SNX29: variants seen among roughly 807,000 people sequenced by gnomAD.
The protein encoded by SNX29 is sorting nexin 29.
In SNX29, 78 loss-of-function variants were observed where a neutral mutation model predicts 102.1. The ratio of observed to expected loss-of-function variants is 0.76; its 90% CI spans 0.64 to 0.92. SNX29 has a LOEUF of 0.92. Ranked by LOEUF, SNX29 falls within the 40% of genes least tolerant of loss-of-function variation. SNX29 has a pLI of 0.00. For missense variants in SNX29, 1,280 were observed against 1,061.7 expected (o/e 1.21, Z -2.86); for synonymous variants, 580 against 414.5 (o/e 1.40, Z -4.85).
At chr16:12,059,026 C>T (rs1323997896) in intron 8 of SNX29, among the ~76,000 whole-genome samples, 1 of 152,034 alleles carries the variant, frequency 6.6e-6, no homozygotes, top group African/African-American at 2.4e-5. Context: ...GCCTCGGCCT[C>T]CCAAAGTACC....
chr16:12,546,151 A>G (rs2077593107), intron 20 of SNX29: 1 of 152,172 alleles, frequency 6.6e-6, no homozygotes, highest in Non-Finnish European at 1.5e-5. Flanking sequence ...AATAACCTCC[A>G]CCTGGTAACA....
Position 12,568,717 on chromosome 16 carries a change from A to G in SNX29, c.*88A>G. On this transcript the variant is annotated 3_prime_UTR_variant, in exon 21 of 21. Coordinates refer to ENST00000566228, the MANE Select transcript of SNX29 (RefSeq NM_032167.5). Reference sequence around the variant, plus strand: ...GCCGCTGGCCCCTCACCTCAGCGTGACAACCACGTCCACCTGGTGATCCTG... The same window carrying G: ...GCCGCTGGCCCCTCACCTCAGCGTGGCAACCACGTCCACCTGGTGATCCTG... 6.5e-7 allele frequency: 1 copy of G among 1,531,932 alleles called. No individual in the cohort carries two copies. Among genetic ancestry groups the G allele is most frequent in the East Asian group, 2.3e-5 (1 of 42,904 alleles). 94.9% of individuals were successfully genotyped at this position (1,531,932 alleles called of 1,614,324 possible).
chr16:12,517,338 G>A (rs2089910774), intron 19 of SNX29, among the ~76,000 whole-genome samples: 2 of 152,190 alleles, frequency 1.3e-5, no homozygotes, highest in South Asian at 2.1e-4. Context: ...GGCCCTTCCT[G>A]GATGCCCTGT....
Position 12,571,559 on chromosome 16 carries a change from C to T in SNX29, c.*2930C>T, listed in dbSNP as rs1004315849. On this transcript the variant is annotated 3_prime_UTR_variant, in exon 21 of 21. Transcript: ENST00000566228. ...CTTTGCTGGGAGGAAGAATCCACAC[C>T]GAATCCTTCTGTCTTCATGGCCTGC... The T allele has an allele frequency of 8.6e-5, 86 of 999,988 alleles. No homozygotes were observed. Among genetic ancestry groups the T allele is most frequent in the African/African-American group, 2.5e-4 (15 of 59,572 alleles). The allele number at this position is 999,988 out of a possible 1,614,324, so 61.9% of individuals were successfully genotyped here. A position where few individuals can be genotyped will look rare whatever the true frequency, so the allele number is the denominator to read the frequency against.
chr16:12,199,489 A>G, intron 13 of SNX29, 112 bp from the exon 14 acceptor site: 2 of 770,088 alleles, frequency 2.6e-6, no homozygotes, highest in Non-Finnish European at 2.1e-6. Context: ...CATTTATAAG[A>G]TGCAAATTGT....
intron 16 of SNX29, among the ~76,000 whole-genome samples, chr16:12,383,500 G>A (rs931231250): frequency 2.1e-4 from 32 of 151,512 alleles, no homozygotes; most frequent in African/African-American, 6.6e-4. Flanking sequence ...GCAGTGGTGC[G>A]ATCTTGGCTC....
At chr16:12,554,638 A>C (rs982647144) in intron 20 of SNX29, among the ~76,000 whole-genome samples, 3 of 152,174 alleles carry the variant, frequency 2.0e-5, no homozygotes, top group African/African-American at 7.2e-5. Flanking sequence ...CAGTTTCCCC[A>C]GGTTTCACCA....
chr16:12,570,098 G>T lies in SNX29; in HGVS notation c.*1469G>T. ...AAGGTTTATACTGTGCCTTCCCCTC[G>T]TAGCAAAAAGGAAGATTGTTCATGG... On this transcript the variant is annotated 3_prime_UTR_variant, in exon 21 of 21. Transcript: ENST00000566228. 2 of 961,818 alleles carry T rather than the reference G, an allele frequency of 2.1e-6. No individual in the cohort carries two copies. Among genetic ancestry groups the T allele is most frequent in the Non-Finnish European group, 2.5e-6 (2 of 785,548 alleles). The allele number at this position is 961,818 out of a possible 1,614,324, so 59.6% of individuals were successfully genotyped here. A position where few individuals can be genotyped will look rare whatever the true frequency, so the allele number is the denominator to read the frequency against.
chr16:12,469,472 C>G (rs1393988488), intron 18 of SNX29, among the ~76,000 whole-genome samples: 1 of 152,192 alleles, frequency 6.6e-6, no homozygotes, highest in African/African-American at 2.4e-5. Context: ...AACCTGAAGC[C>G]ATTTTTTGAA....
intron 18 of SNX29, among the ~76,000 whole-genome samples, chr16:12,404,344 CCT>C (rs2084079900): frequency 6.6e-6 from 1 of 152,130 alleles, no homozygotes; most frequent in African/African-American, 2.4e-5. Context: ...TTCTCCGTCT[CCT>C]CTCTGATTTT....
At chr16:12,255,832 CATG>C (rs963829358) in intron 14 of SNX29, among the ~76,000 whole-genome samples, 1 of 152,202 alleles carries the variant, frequency 6.6e-6, no homozygotes, top group Non-Finnish European at 1.5e-5. Flanking sequence ...CTGCAATAAA[CATG>C]AGAGTGCAGA....
At chr16:12,068,820 C>T (rs1027017226) in intron 9 of SNX29, among the ~76,000 whole-genome samples, 9 of 152,182 alleles carry the variant, frequency 5.9e-5, no homozygotes, top group African/African-American at 2.2e-4. Context: ...CAGGAGTGAG[C>T]CGCCATGCCC....
chr16:12,570,317 A>G lies in SNX29; in HGVS notation c.*1688A>G, dbSNP rs76440897. The G allele has an allele frequency of 1.3e-3, 1,305 of 981,338 alleles. 13 individuals are homozygous for G. In the African/African-American group the frequency reaches 0.021, roughly 15 times the overall value. The allele number at this position is 981,338 out of a possible 1,614,324, so 60.8% of individuals were successfully genotyped here. ...GTGTGGAGGACCCGAGACATCCTGT[A>G]AAGGCAACTTGGTCTCCCTCCCACT... On this transcript the variant is annotated 3_prime_UTR_variant, in exon 21 of 21. Coordinates refer to ENST00000566228, the MANE Select transcript of SNX29 (RefSeq NM_032167.5).
intron 9 of SNX29, among the ~76,000 whole-genome samples, chr16:12,065,827 T>C (rs1297748169): frequency 2.0e-5 from 3 of 152,316 alleles, no homozygotes; most frequent in African/African-American, 7.2e-5. Flanking sequence ...GGGTACAGGC[T>C]CAGCTCTGCC....
chr16:12,138,940 C>T (rs749489768), intron 13 of SNX29, among the ~76,000 whole-genome samples: 10 of 152,030 alleles, frequency 6.6e-5, no homozygotes, highest in Non-Finnish European at 1.2e-4. Flanking sequence ...CGGTGGCTCA[C>T]GCCTGTAATC....
At chr16:12,547,613 C>T (rs971761909) in intron 20 of SNX29, among the ~76,000 whole-genome samples, 1 of 152,102 alleles carries the variant, frequency 6.6e-6, no homozygotes, top group African/African-American at 2.4e-5. Context: ...TCAGCCTCAG[C>T]ACCACTAAGC....
intron 20 of SNX29, among the ~76,000 whole-genome samples, chr16:12,533,749 T>C (rs1167168510): frequency 6.6e-6 from 1 of 152,230 alleles, no homozygotes; most frequent in East Asian, 1.9e-4. Flanking sequence ...TATAAGTGAA[T>C]TAAGCCATTG....
At chr16:12,183,320 T>A (rs949974814) in intron 13 of SNX29, among the ~76,000 whole-genome samples, 30 of 152,222 alleles carry the variant, frequency 2.0e-4, no homozygotes, top group African/African-American at 4.8e-4. Flanking sequence ...GTATTTTTTT[T>A]AAATTTCCTT....
At chr16:12,408,129 G>A (rs1264653051) in intron 18 of SNX29, among the ~76,000 whole-genome samples, 51 of 151,318 alleles carry the variant, frequency 3.4e-4, no homozygotes, top group Admixed American at 3.0e-3. Flanking sequence ...CTGCCACTCC[G>A]GCCTGGGTGG....
Sources: gnomAD v4.1 joint callset for allele counts (sites outside exome capture counted in the v4.1 genomes callset) on GRCh38, gnomAD v4.1.1 for gene constraint, MANE v1.5 for transcripts, NCBI Gene and HGNC (gene_info 2026-07-23, HGNC 2026-07-21) for gene names.